The following ATG4B variants were observed in gnomAD, a reference collection of about 807,000 sequenced individuals.
ATG4B encodes cysteine protease ATG4B.
In ATG4B, 29 loss-of-function variants were observed where a neutral mutation model predicts 56.6. That is an observed-to-expected ratio of 0.51 (90% confidence interval 0.38 to 0.70). The LOEUF is 0.70. ATG4B is among the 30% of genes least tolerant of loss of function. The pLI is 0.00. For synonymous variants in ATG4B, 224 were observed against 206.1 expected (o/e 1.09, Z -0.74); for missense variants, 461 against 515.5 (o/e 0.89, Z 1.02).
At chr2:241,666,415 A>G (rs1271212524) in intron 7 of ATG4B, among the ~76,000 whole-genome samples, 3 of 152,188 alleles carry the variant, frequency 2.0e-5, no homozygotes, top group African/African-American at 7.2e-5. Context: ...TTATTTCACA[A>G]TAAAACTCTT....
chr2:241,670,519 G>A, intron 10 of ATG4B: 2 of 610,776 alleles, frequency 3.3e-6, no homozygotes, highest in South Asian at 1.9e-5. Context: ...TGGAGCCTGA[G>A]GGGAGCCGGG....
chr2:241,654,418 TTA>T, intron 4 of ATG4B, 126 bp from the exon 5 acceptor site: 12 of 619,890 alleles, frequency 1.9e-5, no homozygotes, highest in African/African-American at 8.7e-5. Context: ...GAGACTCTGT[TTA>T]AAAAAAAAAA....
chr2:241,646,601 C>G (rs2068066235), intron 1 of ATG4B, among the ~76,000 whole-genome samples: 1 of 152,144 alleles, frequency 6.6e-6, no homozygotes, highest in African/African-American at 2.4e-5. Context: ...TCCAGATACT[C>G]TCGAGATGCC....
chr2:241,643,626 A>G (rs1367849981), intron 1 of ATG4B, among the ~76,000 whole-genome samples: 3 of 149,480 alleles, frequency 2.0e-5, no homozygotes, highest in South Asian at 2.1e-4. Flanking sequence ...ATATATACAC[A>G]TAAATATATA....
In ATG4B at chr2:241,671,383, C is replaced by G. The variant is rs757254219; in HGVS notation, c.1086C>G (p.Pro362=). 1.2e-6 allele frequency: 2 copies of G among 1,613,528 alleles called. No homozygotes were observed. Among genetic ancestry groups the G allele is most frequent in the Admixed American group, 3.3e-5 (2 of 59,962 alleles). Residue 362 remains proline, a synonymous_variant, in exon 12 of 13, where the codon CCC becomes CCG. Transcript: ENST00000404914. ...VELQPSHLAC[P]DVLNLSLDSS... is the part of the protein sequence containing the mutation. Reference sequence around the variant, plus strand: ...TGCAGCCTTCACATCTGGCCTGCCCCGACGTCCTGAACCTGTCCCTAGGTG... The same window carrying G: ...TGCAGCCTTCACATCTGGCCTGCCCGGACGTCCTGAACCTGTCCCTAGGTG...
chr2:241,671,959 A>G lies in ATG4B; in HGVS notation c.1109-232A>G, dbSNP rs148264135. The G allele has an allele frequency of 0.016, 21,881 of 1,399,458 alleles. 1,027 individuals are homozygous for G. In the East Asian group the frequency reaches 0.17, roughly 11 times the overall value. The allele number at this position is 1,399,458 out of a possible 1,614,324, so 86.7% of individuals were successfully genotyped here. A position where few individuals can be genotyped will look rare whatever the true frequency, so the allele number is the denominator to read the frequency against. On this transcript the variant is annotated intron_variant, in intron 12 of 12. Transcript: ENST00000404914. Reference sequence around the variant, plus strand: ...GGGACAGAGGCCCCTCAGGCCTGAGATTGTGCCGGCCGCCCCCTGCCCTCC... The same window carrying G: ...GGGACAGAGGCCCCTCAGGCCTGAGGTTGTGCCGGCCGCCCCCTGCCCTCC...
Position 241,672,421 on chromosome 2 carries a change from CG to C in ATG4B, c.*160del. On this transcript the variant is annotated 3_prime_UTR_variant, in exon 13 of 13. Coordinates refer to ENST00000404914, the MANE Select transcript of ATG4B (RefSeq NM_013325.5). ...GCTCGTGGACTGAGGCTGCGCTGCC[CG>C]GGAGGCCTTACTGCTTGGTGTCAGA... 1.5e-6 allele frequency: 1 copy of C among 680,626 alleles called. No homozygotes were observed. Among genetic ancestry groups the C allele is most frequent in the Non-Finnish European group, 2.5e-6 (1 of 404,140 alleles). 42.2% of individuals were successfully genotyped at this position (680,626 alleles called of 1,614,324 possible).
chr2:241,651,578 A>G lies in ATG4B; in HGVS notation c.184+243A>G, dbSNP rs535071535. On this transcript the variant is annotated intron_variant, in intron 3 of 12. Transcript: ENST00000404914. This position sits in a 1 kb window ranked among gnomAD's most constrained non-coding sequence, Gnocchi z 4.1. ...CAGCTTATTACTGGAGCTGGAAATC[A>G]GTATCATGAGTTATGACCAACGTTG... Among the ~76,000 whole-genome samples the G allele has an allele frequency of 1.3e-5, 2 of 152,356 alleles. No homozygotes were observed. Among genetic ancestry groups the G allele is most frequent in the African/African-American group, 2.4e-5 (1 of 41,588 alleles).
intron 1 of ATG4B, among the ~76,000 whole-genome samples, chr2:241,649,430 T>C (rs1164373504): frequency 6.6e-6 from 1 of 152,236 alleles, no homozygotes; most frequent in Non-Finnish European, 1.5e-5. Context: ...TATCAAAAAG[T>C]AAATTTAGAT....
At chr2:241,642,879 T>C (rs997760234) in intron 1 of ATG4B, among the ~76,000 whole-genome samples, 6 of 108,894 alleles carry the variant, frequency 5.5e-5, no homozygotes, top group African/African-American at 9.4e-5. Flanking sequence ...GTCCTTTTTT[T>C]TTTTTTTTTT....
chr2:241,662,310 G>T (rs773060318), intron 7 of ATG4B, among the ~76,000 whole-genome samples: 20 of 152,178 alleles, frequency 1.3e-4, no homozygotes, highest in Non-Finnish European at 2.8e-4. Context: ...ACTGGCCTGG[G>T]CATCTCATCT....
At chr2:241,655,165 G>A (rs1319607529) in intron 5 of ATG4B, 106 bp from the exon 6 acceptor site, 21 of 1,122,522 alleles carry the variant, frequency 1.9e-5, no homozygotes, top group East Asian at 1.8e-4. Flanking sequence ...AGGCTGGGTC[G>A]GGTGCTGTCC....
At chr2:241,667,628 C>T (rs945149012) in intron 8 of ATG4B, among the ~76,000 whole-genome samples, 1 of 149,826 alleles carries the variant, frequency 6.7e-6, no homozygotes, top group East Asian at 2.0e-4. Flanking sequence ...AAAAAGCAAG[C>T]AGAAGGGAAA....
At chr2:241,670,438 A>T (rs1277746694) in intron 10 of ATG4B, 3 of 493,342 alleles carry the variant, frequency 6.1e-6, no homozygotes, top group Non-Finnish European at 1.1e-5. Flanking sequence ...CCAATCCCGG[A>T]ACACTCGGTG....
At position 241,663,567 on chromosome 2, in the gene ATG4B, T is replaced by C. The variant is rs190381611; in HGVS notation, c.539-3078T>C. On this transcript the variant is annotated intron_variant, in intron 7 of 12. Coordinates refer to ENST00000404914, the MANE Select transcript of ATG4B (RefSeq NM_013325.5). Reference sequence around the variant, plus strand: ...ATCTTCAGTACTAGTATATGGGTTCTTTACAAAGTGAAAATTAATGAAATA... The same window carrying C: ...ATCTTCAGTACTAGTATATGGGTTCCTTACAAAGTGAAAATTAATGAAATA... Among the ~76,000 whole-genome samples, 23 of 152,324 alleles carry C rather than the reference T, an allele frequency of 1.5e-4. No homozygotes were observed. The East Asian group carries it at 3.5e-3, about 23-fold the overall frequency.
Position 241,651,454 on chromosome 2 carries a change from C to T in ATG4B, c.184+119C>T, listed in dbSNP as rs1266025594. 1.2e-6 allele frequency: 1 copy of T among 822,796 alleles called. No individual in the cohort carries two copies. The highest frequency in any genetic ancestry group is 1.9e-6 in the Non-Finnish European group (1 of 518,872). 51.0% of individuals were successfully genotyped at this position (822,796 alleles called of 1,614,324 possible). A position where few individuals can be genotyped will look rare whatever the true frequency, so the allele number is the denominator to read the frequency against. ...ACTTCATTTGAATCTTCACAGCAAT[C>T]CTGCTTAACTGAATTGGCCGAGGCC... On this transcript the variant is annotated intron_variant, in intron 3 of 12. Transcript: ENST00000404914. This position sits in a 1 kb window ranked among gnomAD's most constrained non-coding sequence, Gnocchi z 4.1.
intron 7 of ATG4B, 71 bp downstream of exon 7, chr2:241,659,258 G>A: frequency 7.3e-7 from 1 of 1,373,952 alleles, no homozygotes; most frequent in African/African-American, 1.4e-5. Flanking sequence ...CCTCGCCTGA[G>A]TCCCCACGGG....
intron 5 of ATG4B, 177 bp from the exon 6 acceptor site, chr2:241,655,094 C>T: frequency 1.6e-6 from 1 of 634,774 alleles, no homozygotes; most frequent in South Asian, 1.9e-5. Flanking sequence ...AGGACAGTCC[C>T]TGAGACCTTG....
chr2:241,658,565 T>C (rs1041603173), intron 6 of ATG4B, among the ~76,000 whole-genome samples: 2 of 152,216 alleles, frequency 1.3e-5, no homozygotes, highest in Non-Finnish European at 2.9e-5. Flanking sequence ...TGTTAGACTT[T>C]TGGCTGCAGA....
Sources: gnomAD v4.1 joint callset for allele counts (sites outside exome capture counted in the v4.1 genomes callset) on GRCh38, gnomAD v4.1.1 for gene constraint, Gnocchi (gnomAD v3.1) non-coding constraint, MANE v1.5 for transcripts, NCBI Gene and HGNC (gene_info 2026-07-23, HGNC 2026-07-21) for gene names.